The following YTHDC2 variants were observed in gnomAD, a reference collection of about 807,000 sequenced individuals.
The protein encoded by YTHDC2 is 3'-5' RNA helicase YTHDC2.
YTHDC2 carries 45 observed loss-of-function variants against 174.9 expected under a neutral mutation model. That is an observed-to-expected ratio of 0.26 (90% confidence interval 0.20 to 0.33). The LOEUF (loss-of-function observed/expected upper bound fraction) is 0.33, where lower values mean the gene tolerates loss of function less well. YTHDC2 is among the 10% of genes least tolerant of loss of function. The pLI is 1.00. For missense variants in YTHDC2, 1,650 were observed against 1,723.7 expected, an observed-to-expected ratio of 0.96 and a Z score of 0.76; for synonymous variants, 657 against 574.5, an observed-to-expected ratio of 1.14 and a Z score of -2.05.
chr5:113,541,626 T>G (rs1775476023), intron 9 of YTHDC2, among the ~76,000 whole-genome samples: 1 of 152,184 alleles, frequency 6.6e-6, no homozygotes, highest in African/African-American at 2.4e-5. Flanking sequence ...TGATAGTATG[T>G]AATGCAGATA....
chr5:113,590,554 T>G (rs1176268859), intron 26 of YTHDC2, among the ~76,000 whole-genome samples: 5 of 152,226 alleles, frequency 3.3e-5, no homozygotes, highest in Non-Finnish European at 7.3e-5. Context: ...TGTGTTTCCT[T>G]TGGAGCTCTC....
intron 4 of YTHDC2, among the ~76,000 whole-genome samples, chr5:113,528,747 G>A (rs547560474): frequency 4.7e-4 from 72 of 152,254 alleles, no homozygotes; most frequent in African/African-American, 1.7e-3. Flanking sequence ...GGGCTCAAGC[G>A]ATCCACCTGC....
At position 113,579,627 on chromosome 5, in the gene YTHDC2, G is replaced by A. The variant is rs1778271106; in HGVS notation, c.3286G>A (p.Asp1096Asn). 3 of 1,611,030 alleles carry A rather than the reference G, an allele frequency of 1.9e-6. No individual in the cohort carries two copies. Among genetic ancestry groups the A allele is most frequent in the African/African-American group, 2.7e-5 (2 of 74,736 alleles). ...PNDSSDSEME[D>N]KTTANLAALK... The stretch of plus-strand genomic sequence containing the variant: ...TGACAGTAGTGATAGTGAAATGGAG[G>A]ACAAAACTACAGCTAATTTGGCAGC... The change falls in exon 24 of 30, where the codon GAC becomes AAC. Residue 1096 changes from aspartate to asparagine, a missense_variant. Asp to Asn is a conservative substitution (Grantham distance 23, BLOSUM62 1). Transcript: ENST00000161863.
intron 21 of YTHDC2, among the ~76,000 whole-genome samples, chr5:113,566,837 A>T (rs1200277471): frequency 6.6e-6 from 1 of 152,140 alleles, no homozygotes; most frequent in Admixed American, 6.5e-5. Context: ...ATCTAAAAAA[A>T]TTTAAGCCCC....
Position 113,561,149 on chromosome 5 carries a change from A to G in YTHDC2, c.2286A>G (p.Glu762=). 1 of 1,613,214 alleles carries G rather than the reference A, an allele frequency of 6.2e-7. No individual in the cohort carries two copies. The change falls in exon 18 of 30, where the codon GAA becomes GAG. Residue 762 remains glutamate, a synonymous_variant. Coordinates refer to ENST00000161863, the MANE Select transcript of YTHDC2 (RefSeq NM_022828.5). ...FSRLRFQNML[E]FQTPELLRMP... ...GACTCCGATTCCAGAATATGTTGGA[A>G]TTTCAGACTCCGGAACTTTTGAGAA...
chr5:113,556,510 C>T (rs1776621166), intron 17 of YTHDC2: 1 of 160,308 alleles, frequency 6.2e-6, no homozygotes. Context: ...AGGCAATTTA[C>T]CAAAATAAAA....
intron 25 of YTHDC2, 97 bp downstream of exon 25, chr5:113,581,806 A>C (rs530077707): frequency 4.6e-6 from 5 of 1,078,176 alleles, no homozygotes; most frequent in Non-Finnish European, 6.1e-6. Context: ...TTTAAAAATT[A>C]CTTTTTTATA....
At chr5:113,545,430 C>CTGGAGTGCAGTGGTGCTATTG (rs1775801815) in intron 10 of YTHDC2, among the ~76,000 whole-genome samples, 1 of 151,880 alleles carries the variant, frequency 6.6e-6, no homozygotes, top group Non-Finnish European at 1.5e-5. Flanking sequence ...GTCACCCAGG[C>CTGGAGTGCAGTGGTGCTATTG]TGGAGTGCAG....
At chr5:113,553,448 T>C in intron 13 of YTHDC2, 89 bp downstream of exon 13, 1 of 1,420,922 alleles carries the variant, frequency 7.0e-7, no homozygotes, top group East Asian at 2.5e-5. Flanking sequence ...ATAATTGCAC[T>C]GATAGTAGTA....
At chr5:113,541,435 C>T (rs1775459255) in intron 9 of YTHDC2, among the ~76,000 whole-genome samples, 1 of 152,108 alleles carries the variant, frequency 6.6e-6, no homozygotes, top group Non-Finnish European at 1.5e-5. Flanking sequence ...TCGTGATCCA[C>T]CCGCCTCGGC....
chr5:113,563,258 TA>T, intron 18 of YTHDC2, 114 bp from the exon 19 acceptor site: 1 of 842,790 alleles, frequency 1.2e-6, no homozygotes, highest in Non-Finnish European at 1.7e-6. Context: ...CTGTTCATTC[TA>T]ATCAGAGACT....
chr5:113,579,549 G>A, intron 23 of YTHDC2, 37 bp from the exon 24 acceptor site: 1 of 1,508,930 alleles, frequency 6.6e-7, no homozygotes, highest in Non-Finnish European at 9.0e-7. Flanking sequence ...ACGTAAGAAG[G>A]TAAAAGTGAT....
chr5:113,513,889 C>G lies in YTHDC2; in HGVS notation c.-7C>G. On this transcript the variant is annotated 5_prime_UTR_variant, in exon 1 of 30. Coordinates refer to ENST00000161863, the MANE Select transcript of YTHDC2 (RefSeq NM_022828.5). ...CTCCCGTGCGGAGAGACCATCTCTT[C>G]AGGGCAATGTCCAGGCCGAGCAGCG... 6.2e-7 allele frequency: 1 copy of G among 1,600,246 alleles called. No individual in the cohort carries two copies. The highest frequency in any genetic ancestry group is 8.5e-7 in the Non-Finnish European group (1 of 1,174,988).
chr5:113,554,923 A>G (rs914121097), intron 16 of YTHDC2, among the ~76,000 whole-genome samples: 2 of 152,156 alleles, frequency 1.3e-5, no homozygotes, highest in East Asian at 3.9e-4. Context: ...GTGGATAAAA[A>G]TGATCGTTTT....
At chr5:113,550,293 G>T (rs980087837) in intron 12 of YTHDC2, among the ~76,000 whole-genome samples, 3 of 151,818 alleles carry the variant, frequency 2.0e-5, no homozygotes, top group Admixed American at 2.0e-4. Context: ...AAATTTACCT[G>T]GCATTGTCAA....
chr5:113,544,231 C>T (rs182539778), intron 10 of YTHDC2, among the ~76,000 whole-genome samples: 13 of 152,236 alleles, frequency 8.5e-5, no homozygotes, highest in African/African-American at 3.1e-4. Flanking sequence ...TCACTGCAAC[C>T]TCTGCCTCCC....
At chr5:113,591,524 C>G (rs1335931973) in intron 27 of YTHDC2, among the ~76,000 whole-genome samples, 6 of 152,090 alleles carry the variant, frequency 3.9e-5, no homozygotes, top group Admixed American at 3.3e-4. Flanking sequence ...TAATGAGAAG[C>G]TTGACCTTTT....
intron 4 of YTHDC2, among the ~76,000 whole-genome samples, chr5:113,527,944 C>T (rs77164427): frequency 4.6e-5 from 7 of 152,054 alleles, no homozygotes; most frequent in Admixed American, 2.6e-4. Context: ...GCACCCGCCA[C>T]CACGCCTGAC....
intron 26 of YTHDC2, among the ~76,000 whole-genome samples, chr5:113,586,598 T>A (rs57295502): frequency 0.015 from 2,246 of 151,810 alleles, 60 homozygotes; most frequent in African/African-American, 0.051. Flanking sequence ...CCCAAGATCA[T>A]AATTTTCTCC....
Sources: allele counts gnomAD v4.1 joint callset (sites outside exome capture counted in the v4.1 genomes callset), GRCh38; gene constraint gnomAD v4.1.1; transcripts MANE v1.5; gene names NCBI Gene and HGNC (gene_info 2026-07-23, HGNC 2026-07-21).